The following PNPLA2 variants were observed in gnomAD, a reference collection of about 807,000 sequenced individuals.
PNPLA2 encodes patatin like domain 2, triacylglycerol lipase.
PNPLA2 carries 28 observed loss-of-function variants against 39.7 expected under a neutral mutation model. The ratio of observed to expected loss-of-function variants is 0.70; its 90% CI spans 0.52 to 0.97. The LOEUF (loss-of-function observed/expected upper bound fraction) is 0.97. Among genes scored for constraint, PNPLA2 ranks in the 50% least tolerant of loss-of-function variants. The probability of loss-of-function intolerance (pLI) is 0.00; values close to 1 mark genes in which losing one functional copy is unlikely to be tolerated. For synonymous variants in PNPLA2, 392 were observed against 321.1 expected, an observed-to-expected ratio of 1.22 and a Z score of -2.36; for missense variants, 768 against 698.2, an observed-to-expected ratio of 1.10 and a Z score of -1.13.
intron 2 of PNPLA2, chr11:821,225 C>T (rs1046528507): frequency 3.0e-5 from 9 of 304,166 alleles, no homozygotes; most frequent in South Asian, 1.9e-4. Flanking sequence ...CCAACACTCC[C>T]GGGCCTGTGA....
intron 5 of PNPLA2, among the ~76,000 whole-genome samples, chr11:823,280 A>T (rs928564298): frequency 3.3e-5 from 5 of 151,544 alleles, no homozygotes; most frequent in Admixed American, 6.6e-5. Flanking sequence ...GATGGTCTTG[A>T]TCTCCTGACC....
At chr11:823,091 A>G (rs1479410248) in intron 5 of PNPLA2, among the ~76,000 whole-genome samples, 2 of 138,932 alleles carry the variant, frequency 1.4e-5, no homozygotes, top group Admixed American at 1.4e-4. Flanking sequence ...GAAGTCTCAC[A>G]CTGTCACCCA....
At chr11:819,298 A>T in intron 1 of PNPLA2, 1 of 448,924 alleles carries the variant, frequency 2.2e-6, no homozygotes, top group Non-Finnish European at 3.0e-6. Context: ...GGTCTGTGTG[A>T]GGCTTCCGGC....
In PNPLA2 at chr11:822,755, G is replaced by A. The variant is rs560252660; in HGVS notation, c.696+149G>A. 509 of 698,640 alleles carry A rather than the reference G, an allele frequency of 7.3e-4. 13 individuals are homozygous for A. The South Asian group carries it at 7.5e-3, about 10-fold the overall frequency. The allele number at this position is 698,640 out of a possible 1,614,324, so 43.3% of individuals were successfully genotyped here. A position where few individuals can be genotyped will look rare whatever the true frequency, so the allele number is the denominator to read the frequency against. ...GGGAAAGCGCACAACCTTTCTAGGG[G>A]CAGATGGCCCATCCAACCTCTCTGT... On this transcript the variant is annotated intron_variant, in intron 5 of 9. Transcript: ENST00000336615.
Position 822,494 on chromosome 11 carries a change from C to T in PNPLA2, c.584C>T (p.Pro195Leu), listed in dbSNP as rs121918259. ...TTCTCGGGCGAGAGTGACATCTGTC[C>T]GCAGGACAGCTCCACCAACATCCAC... ...SPFSGESDICPQDSSTNIHEL... is the reference protein window; with the variant it reads ...SPFSGESDICLQDSSTNIHEL... The change falls in exon 5 of 10, where the codon CCG (proline) becomes CTG (leucine). Residue 195 changes from proline to leucine, a missense_variant. By Grantham distance (98) the Pro-to-Leu change is moderately conservative. Coordinates refer to ENST00000336615, the MANE Select transcript of PNPLA2 (RefSeq NM_020376.4). The T allele has an allele frequency of 5.6e-6, 9 of 1,613,946 alleles. No homozygotes were observed. Among genetic ancestry groups the T allele is most frequent in the Admixed American group, 1.7e-5 (1 of 60,012 alleles).
At chr11:822,354 C>T (rs759220654) in intron 4 of PNPLA2, 43 bp from the exon 5 acceptor site, 7 of 1,561,986 alleles carry the variant, frequency 4.5e-6, no homozygotes, top group Non-Finnish European at 6.2e-6. Flanking sequence ...CCAGTGCAGC[C>T]ACAGGCCCTC....
In PNPLA2 at chr11:821,798, C is replaced by T. The variant is rs760827576; in HGVS notation, c.358C>T (p.Arg120Cys). 1.2e-5 allele frequency: 20 copies of T among 1,613,830 alleles called. No individual in the cohort carries two copies. Among genetic ancestry groups the T allele is most frequent in the East Asian group, 4.5e-5 (2 of 44,898 alleles). The stretch of plus-strand genomic sequence containing the variant: ...TGGGCGCCTGGGCATCTCCCTGACC[C>T]GCGTGTCAGACGGCGAGAATGTCAT... ...ASGRLGISLT[R>C]VSDGENVIIS... The change falls in exon 3 of 10, where the codon CGC becomes TGC. Residue 120 changes from arginine (R) to cysteine (C), a missense_variant. By Grantham distance (180) the Arg-to-Cys change is radical. Transcript: ENST00000336615.
At position 819,594 on chromosome 11, in the gene PNPLA2, G is replaced by A. The variant is rs1292865044; in HGVS notation, c.-125G>A. The A allele has an allele frequency of 1.1e-5, 14 of 1,274,496 alleles. No individual in the cohort carries two copies. The highest frequency in any genetic ancestry group is 1.4e-5 in the Non-Finnish European group (14 of 998,502). 78.9% of individuals were successfully genotyped at this position (1,274,496 alleles called of 1,614,324 possible). A position where few individuals can be genotyped will look rare whatever the true frequency, so the allele number is the denominator to read the frequency against. ...CGTAGCTTCTTCGCCTCCGCCAGCG[G>A]GGACCCCGAGCTAGAGCCGCAGCGG... On this transcript the variant is annotated 5_prime_UTR_variant, in exon 2 of 10. Coordinates refer to ENST00000336615, the MANE Select transcript of PNPLA2 (RefSeq NM_020376.4).
chr11:824,286 C>A, intron 8 of PNPLA2, 28 bp from the exon 9 acceptor site: 1 of 1,549,826 alleles, frequency 6.5e-7, no homozygotes, highest in South Asian at 1.2e-5. Flanking sequence ...GGCCAAGTCC[C>A]TGAACGCGCC....
rs1475541059 is a variant in PNPLA2 at position 821,976 on chromosome 11, T to C, written c.439T>C (p.Phe147Leu). The change falls in exon 4 of 10, where the codon TTC becomes CTC. Residue 147 changes from phenylalanine (F) to leucine (L), a missense_variant. Transcript: ENST00000336615. Reference sequence around the variant, plus strand: ...CCTGAAGGCCAATGTCTGCAGCGGTTTCATCCCCGTGTACTGTGGGCTCAT... The same window carrying C: ...CCTGAAGGCCAATGTCTGCAGCGGTCTCATCCCCGTGTACTGTGGGCTCAT... The part of the protein sequence containing the change: ...ELIQANVCSG[F>L]IPVYCGLIPP... 6.2e-7 allele frequency: 1 copy of C among 1,613,950 alleles called. No individual in the cohort carries two copies. Among genetic ancestry groups the C allele is most frequent in the East Asian group, 2.2e-5 (1 of 44,880 alleles).
intron 2 of PNPLA2, 123 bp downstream of exon 2, chr11:820,028 T>G: frequency 1.5e-6 from 1 of 684,928 alleles, no homozygotes; most frequent in Non-Finnish European, 2.1e-6. Flanking sequence ...AGGGTTCCGG[T>G]CCGCGCCTGG....
rs909058907 is a variant in PNPLA2, at chr11:819,636, G to A, written c.-83G>A. ...CCGCAGCGGGACCTGCCCGGCCCCC[G>A]GCTCCAGCGAGCGAGCGGCGAGCAG... On this transcript the variant is annotated 5_prime_UTR_variant, in exon 2 of 10. Transcript: ENST00000336615. 67 of 1,365,186 alleles carry A rather than the reference G, an allele frequency of 4.9e-5. No individual in the cohort carries two copies. Among genetic ancestry groups the A allele is most frequent in the Non-Finnish European group, 6.2e-5 (65 of 1,046,708 alleles). The allele number at this position is 1,365,186 out of a possible 1,614,324, so 84.6% of individuals were successfully genotyped here.
rs1246584488 is a variant in PNPLA2 at position 823,595 on chromosome 11, G to C, written c.757+8G>C. The C allele has an allele frequency of 6.2e-7, 1 of 1,603,606 alleles. No individual in the cohort carries two copies. The highest frequency in any genetic ancestry group is 1.3e-5 in the African/African-American group (1 of 74,722). On this transcript the variant is annotated splice_region_variant and intron_variant, in intron 6 of 9. Transcript: ENST00000336615. ...GCTTTCTGCAGCGGAACGGTGCGCGGACCCGGGCGGGAGAGGGCGGGGTGG... is the reference window on the plus strand; with the variant it reads ...GCTTTCTGCAGCGGAACGGTGCGCGCACCCGGGCGGGAGAGGGCGGGGTGG...
intron 2 of PNPLA2, chr11:820,938 C>T (rs1845646596): frequency 6.5e-6 from 1 of 154,002 alleles, no homozygotes; most frequent in Non-Finnish European, 1.4e-5. Context: ...AACAAGACTC[C>T]TTCTCACGGG....
Position 821,813 on chromosome 11 carries a change from G to T in PNPLA2, c.373G>T (p.Glu125Ter). ...CTCCCTGACCCGCGTGTCAGACGGC[G>T]AGAATGTCATTATATCCCACTTCAA... The part of the protein sequence containing the change: ...GISLTRVSDG[E>*]NVIISHFNSK... Residue 125 changes from glutamate to a stop codon, truncating the protein, a stop_gained, in exon 3 of 10, where the codon GAG (glutamate) becomes TAG (stop). Coordinates refer to ENST00000336615, the MANE Select transcript of PNPLA2 (RefSeq NM_020376.4). LOFTEE classifies it high-confidence loss of function. The T allele has an allele frequency of 6.2e-7, 1 of 1,613,972 alleles. No individual in the cohort carries two copies. Among genetic ancestry groups the T allele is most frequent in the South Asian group, 1.1e-5 (1 of 91,086 alleles).
Position 824,535 on chromosome 11 carries a change from G to T in PNPLA2, c.1188G>T (p.Gln396His). The change falls in exon 10 of 10, where the codon CAG becomes CAT. Residue 396 changes from glutamine to histidine, a missense_variant. Physicochemically the swap from Gln to His is conservative, Grantham distance 24 (BLOSUM62 0). Transcript: ENST00000336615. ...CCCTGCCCCGCAGGCTGCCGGAGCA[G>T]GTGGAGCTGCGCCGCGTCCAGTCGC... The part of the protein sequence containing the change: ...GRHLPSRLPE[Q>H]VELRRVQSLP... 1 of 1,552,354 alleles carries T rather than the reference G, an allele frequency of 6.4e-7. No homozygotes were observed. The highest frequency in any genetic ancestry group is 2.4e-5 in the East Asian group (1 of 41,740).
chr11:823,764 C>T lies in PNPLA2; in HGVS notation c.828C>T (p.Asp276=), dbSNP rs1845759161. Residue 276 remains aspartate (D), a synonymous_variant, in exon 7 of 10, where the codon GAC becomes GAT. Transcript: ENST00000336615. The part of the protein sequence containing the change: ...PARPHGPEDK[D]QAVESAQAED... Reference sequence around the variant, plus strand: ...GCCCCCACGGCCCAGAGGACAAGGACCAGGCAGTGGAGAGCGCCCAAGCGG... The same window carrying T: ...GCCCCCACGGCCCAGAGGACAAGGATCAGGCAGTGGAGAGCGCCCAAGCGG... The T allele has an allele frequency of 6.2e-7, 1 of 1,608,824 alleles. No individual in the cohort carries two copies. Among genetic ancestry groups the T allele is most frequent in the African/African-American group, 1.3e-5 (1 of 74,912 alleles).
chr11:824,952 C>T lies in PNPLA2; in HGVS notation c.*90C>T. 8.8e-7 allele frequency: 1 copy of T among 1,138,908 alleles called. No homozygotes were observed. Among genetic ancestry groups the T allele is most frequent in the Non-Finnish European group, 1.3e-6 (1 of 786,808 alleles). 70.6% of individuals were successfully genotyped at this position (1,138,908 alleles called of 1,614,324 possible). The stretch of plus-strand genomic sequence containing the variant: ...GGGACTCACAGTTGCCAAGAGGGGT[C>T]TTTGCCGTGGGCCCCCTCGCCAGCC... On this transcript the variant is annotated 3_prime_UTR_variant, in exon 10 of 10. Transcript: ENST00000336615.
Position 824,684 on chromosome 11 carries a change from G to A in PNPLA2, c.1337G>A (p.Gly446Asp), listed in dbSNP as rs1449497363. ...GAGTGCCAGCGCCAGCTGCTGCTCG[G>A]CCTCTTCTGCACCAACGTGGCCTTC... The part of the protein sequence containing the change: ...WEECQRQLLL[G>D]LFCTNVAFPP... The change falls in exon 10 of 10, where the codon GGC becomes GAC. Residue 446 changes from glycine to aspartate, a missense_variant. Transcript: ENST00000336615. 8.1e-6 allele frequency: 13 copies of A among 1,595,948 alleles called. No individual in the cohort carries two copies. The highest frequency in any genetic ancestry group is 1.0e-5 in the Non-Finnish European group (12 of 1,177,722).
Sources: allele counts gnomAD v4.1 joint callset (sites outside exome capture counted in the v4.1 genomes callset), GRCh38; gene constraint gnomAD v4.1.1; transcripts MANE v1.5; gene names NCBI Gene and HGNC (gene_info 2026-07-23, HGNC 2026-07-21).